The following EXT2 variants were observed in gnomAD, a reference collection of about 807,000 sequenced individuals.
The protein encoded by EXT2 is exostosin-2.
In EXT2, 53 loss-of-function variants were observed where a neutral mutation model predicts 81.6. The observed-to-expected ratio is 0.65, with a 90% CI of 0.52 to 0.82. The LOEUF (loss-of-function observed/expected upper bound fraction) is 0.82. Among genes scored for constraint, EXT2 ranks in the 40% least tolerant of loss-of-function variants. EXT2 has a pLI of 0.00. For missense variants in EXT2, 774 were observed against 910.2 expected (o/e 0.85, Z 1.93); for synonymous variants, 320 against 340.0 (o/e 0.94, Z 0.65).
chr11:44,100,877 C>CCCTTGCAT, intron 1 of EXT2, among the ~76,000 whole-genome samples: 1 of 151,970 alleles, frequency 6.6e-6, no homozygotes. Context: ...ATCCCTTGGG[C>CCCTTGCAT]CAGTAGAGGT....
intron 7 of EXT2, among the ~76,000 whole-genome samples, chr11:44,165,849 C>A (rs1222925548): frequency 2.0e-5 from 3 of 152,070 alleles, no homozygotes; most frequent in Non-Finnish European, 4.4e-5. Flanking sequence ...CTAAAACTTG[C>A]TATGTGCTGG....
intron 4 of EXT2, among the ~76,000 whole-genome samples, chr11:44,121,891 C>G (rs1212482218): frequency 1.3e-5 from 2 of 152,066 alleles, no homozygotes. Flanking sequence ...TGATACCCTG[C>G]GCCAGGCTAC....
chr11:44,236,220 G>A, intron 12 of EXT2, 73 bp from the exon 13 acceptor site: 1 of 1,281,862 alleles, frequency 7.8e-7, no homozygotes, highest in South Asian at 1.2e-5. Context: ...AAAGAATGCA[G>A]TGTGGTGTCA....
chr11:44,198,045 C>T (rs202210932), intron 9 of EXT2, 27 bp downstream of exon 9: 2 of 1,612,736 alleles, frequency 1.2e-6, no homozygotes, highest in Non-Finnish European at 1.7e-6. Context: ...CCTCTCTCAG[C>T]TGGATCAATT....
In EXT2 at chr11:44,190,658, G is replaced by T. The variant is rs182548545; in HGVS notation, c.1306-7171G>T. On this transcript the variant is annotated intron_variant, in intron 8 of 13. Coordinates refer to ENST00000533608, the MANE Select transcript of EXT2 (RefSeq NM_207122.2). ...CCTGTATTGCAGCTTGATTTCTTCAGTGCTACAGTTTGGTTTGGTTTAGGC... is the reference window on the plus strand; with the variant it reads ...CCTGTATTGCAGCTTGATTTCTTCATTGCTACAGTTTGGTTTGGTTTAGGC... 2.2e-4 allele frequency among the ~76,000 whole-genome samples: 34 copies of T among 152,330 alleles called. No homozygotes were observed. In the East Asian group the frequency reaches 6.0e-3, roughly 27 times the overall value.
At chr11:44,134,317 AT>A (rs151123791) in intron 7 of EXT2, among the ~76,000 whole-genome samples, 2,502 of 152,300 alleles carry the variant, frequency 0.016, 68 homozygotes, top group African/African-American at 0.057. Flanking sequence ...AATAAAAAAA[AT>A]CTTTGATCCC....
rs150414977 is a variant in EXT2 at position 44,203,751 on chromosome 11, CAGGCACTACTGGAGCA to C, written c.1496-3039_1496-3024del. 6.2e-3 allele frequency among the ~76,000 whole-genome samples: 933 copies of C among 149,726 alleles called. 9 individuals carry two copies. The highest frequency in any genetic ancestry group is 0.021 in the African/African-American group (873 of 41,396). ...CCTGCCTGCCTGCCTGCCTGCTGGC[CAGGCACTACTGGAGCA>C]AGAAGTAAAAAAGGCATACCAGAAC... On this transcript the variant is annotated intron_variant, in intron 9 of 13. Transcript: ENST00000533608.
intron 10 of EXT2, among the ~76,000 whole-genome samples, chr11:44,215,054 C>T (rs1029639048): frequency 2.0e-5 from 3 of 152,114 alleles, no homozygotes; most frequent in South Asian, 4.1e-4. Context: ...AGCCACTGCA[C>T]CTGGCCTCAA....
chr11:44,222,025 T>G (rs571522558), intron 10 of EXT2, among the ~76,000 whole-genome samples: 1 of 152,320 alleles, frequency 6.6e-6, no homozygotes, highest in South Asian at 2.1e-4. Flanking sequence ...TTACAGCTCA[T>G]CTCTCGATCA....
At chr11:44,198,713 AG>A (rs1319043980) in intron 9 of EXT2, among the ~76,000 whole-genome samples, 3 of 152,234 alleles carry the variant, frequency 2.0e-5, no homozygotes, top group Non-Finnish European at 4.4e-5. Flanking sequence ...TATTAAAGCC[AG>A]GAAGTTTCTG....
intron 3 of EXT2, 35 bp from the exon 4 acceptor site, chr11:44,114,150 C>G: frequency 6.4e-7 from 1 of 1,566,856 alleles, no homozygotes; most frequent in Non-Finnish European, 8.8e-7. Context: ...AAAGTCCTTT[C>G]TTTCTCATCG....
chr11:44,109,404 T>A, intron 3 of EXT2, 121 bp downstream of exon 3: 1 of 940,596 alleles, frequency 1.1e-6, no homozygotes, highest in Non-Finnish European at 1.7e-6. Context: ...ACTAGAAAAT[T>A]GTCATAAGTA....
chr11:44,186,972 T>C (rs1474290822), intron 8 of EXT2, among the ~76,000 whole-genome samples: 1 of 151,212 alleles, frequency 6.6e-6, no homozygotes, highest in African/African-American at 2.4e-5. Flanking sequence ...TAGCTTGACC[T>C]TGTACAAAAT....
At chr11:44,147,727 A>T (rs1451485312) in intron 7 of EXT2, among the ~76,000 whole-genome samples, 2 of 137,100 alleles carry the variant, frequency 1.5e-5, no homozygotes, top group Admixed American at 1.5e-4. Context: ...CCCCCAGCTA[A>T]TTTTTTTTTT....
intron 8 of EXT2, among the ~76,000 whole-genome samples, chr11:44,174,275 CT>C (rs1034599187): frequency 7.2e-5 from 11 of 152,156 alleles, no homozygotes; most frequent in Non-Finnish European, 1.6e-4. Flanking sequence ...TATTGAATGC[CT>C]GCCTTGTTCC....
intron 1 of EXT2, among the ~76,000 whole-genome samples, chr11:44,099,701 A>G (rs1953955362): frequency 6.6e-6 from 1 of 152,218 alleles, no homozygotes; most frequent in Non-Finnish European, 1.5e-5. Flanking sequence ...AAAAATCACA[A>G]CCAGTAGAGG....
At chr11:44,142,772 G>T (rs1393894281) in intron 7 of EXT2, among the ~76,000 whole-genome samples, 1 of 152,146 alleles carries the variant, frequency 6.6e-6, no homozygotes, top group East Asian at 1.9e-4. Flanking sequence ...TACACTGAAG[G>T]GTCTGAGTAA....
intron 10 of EXT2, among the ~76,000 whole-genome samples, chr11:44,230,040 G>A (rs902852731): frequency 2.0e-5 from 3 of 152,192 alleles, no homozygotes; most frequent in Non-Finnish European, 4.4e-5. Context: ...TAAAGAAAAG[G>A]ATGAGGTTGG....
At chr11:44,133,523 A>G (rs935552813) in intron 7 of EXT2, among the ~76,000 whole-genome samples, 1 of 152,222 alleles carries the variant, frequency 6.6e-6, no homozygotes, top group African/African-American at 2.4e-5. Context: ...TGCATTGGAC[A>G]GTTGTAGCCA....
Sources: allele counts gnomAD v4.1 joint callset (sites outside exome capture counted in the v4.1 genomes callset), GRCh38; gene constraint gnomAD v4.1.1; transcripts MANE v1.5; gene names NCBI Gene and HGNC (gene_info 2026-07-23, HGNC 2026-07-21).